The following GNA11 variants were observed in gnomAD, a reference collection of about 807,000 sequenced individuals.
GNA11 encodes the protein guanine nucleotide-binding protein subunit alpha-11.
A neutral mutation model predicts 38.2 loss-of-function variants in GNA11; 8 were observed. The observed-to-expected ratio is 0.21, with a 90% CI of 0.12 to 0.38. The LOEUF is 0.38. Ranked by LOEUF, GNA11 falls within the 10% of genes least tolerant of loss-of-function variation. The probability of loss-of-function intolerance (pLI) is 1.00; values close to 1 mark genes in which losing one functional copy is unlikely to be tolerated. For missense variants in GNA11, 268 were observed against 516.3 expected (o/e 0.52, Z 4.66); for synonymous variants, 211 against 221.4 (o/e 0.95, Z 0.42).
rs1599307865 is a variant in GNA11 at position 3,119,501 on chromosome 19, T to G, written c.889+142T>G. ...GGAGGTGTCATGTATGGGAGTGGAG[T>G]CTCAGGGAAGGGAGATCTCGTATGA... On this transcript the variant is annotated intron_variant, in intron 6 of 6. Transcript: ENST00000078429. This position sits in a 1 kb window ranked among gnomAD's most constrained non-coding sequence, Gnocchi z 4.6. 2 of 643,828 alleles carry G rather than the reference T, an allele frequency of 3.1e-6. No homozygotes were observed. Among genetic ancestry groups the G allele is most frequent in the South Asian group, 2.2e-5 (1 of 45,098 alleles). 39.9% of individuals were successfully genotyped at this position (643,828 alleles called of 1,614,324 possible).
At position 3,113,593 on chromosome 19, in the gene GNA11, C is replaced by T. The variant is rs1034869602; in HGVS notation, c.476+109C>T. 26 of 827,882 alleles carry T rather than the reference C, an allele frequency of 3.1e-5. No homozygotes were observed. The East Asian group carries it at 3.9e-4, about 12-fold the overall frequency. 51.3% of individuals were successfully genotyped at this position (827,882 alleles called of 1,614,324 possible). On this transcript the variant is annotated intron_variant, in intron 3 of 6. Transcript: ENST00000078429. ...TCTGTGGTGCCCCCTGCCTGCTCGC[C>T]GGGGGCAGGGATGCGGTGGGCCCGG... is the stretch of plus-strand genomic sequence containing the variant.
rs970094370 is a variant in GNA11 at position 3,121,646 on chromosome 19, T to C, written c.*467T>C. The C allele has an allele frequency of 8.6e-6, 2 of 232,772 alleles. No homozygotes were observed. The highest frequency in any genetic ancestry group is 1.2e-4 in the East Asian group (2 of 16,500). 14.4% of individuals were successfully genotyped at this position (232,772 alleles called of 1,614,324 possible). ...CTTCCAACCCCACGTGCTTTTTCTT[T>C]CTCCTGCCCGCTTCTTTTCTTCATC... On this transcript the variant is annotated 3_prime_UTR_variant, in exon 7 of 7. Coordinates refer to ENST00000078429, the MANE Select transcript of GNA11 (RefSeq NM_002067.5).
At position 3,113,782 on chromosome 19, in the gene GNA11, C is replaced by T. The variant is rs74380612; in HGVS notation, c.476+298C>T. On this transcript the variant is annotated intron_variant, in intron 3 of 6. Transcript: ENST00000078429. ...CCTGGCCACCCTCGGTGCTGGAGCC[C>T]GGCCTGTGGCCTGTGGGGGAAACCC... 0.089 allele frequency among the ~76,000 whole-genome samples: 13,494 copies of T among 152,204 alleles called. 1,390 individuals are homozygous for T. Among genetic ancestry groups the T allele is most frequent in the African/African-American group, 0.22 (9,024 of 41,504 alleles).
In GNA11 at chr19:3,122,567, GTGTT is replaced by G. The variant is rs1183542255; in HGVS notation, c.*1391_*1394del. On this transcript the variant is annotated 3_prime_UTR_variant, in exon 7 of 7. Transcript: ENST00000078429. This position sits in a 1 kb window ranked among gnomAD's most constrained non-coding sequence, Gnocchi z 7.7. ...TCGGAAGGTGGGGAACGAGGGGACT[GTGTT>G]TGGGGAGGTGGCTTTTTCGTCTGCT... The G allele has an allele frequency of 4.3e-6, 1 of 233,014 alleles. No homozygotes were observed. Among genetic ancestry groups the G allele is most frequent in the African/African-American group, 2.2e-5 (1 of 45,326 alleles). 14.4% of individuals were successfully genotyped at this position (233,014 alleles called of 1,614,324 possible).
chr19:3,121,655 C>T lies in GNA11; in HGVS notation c.*476C>T, dbSNP rs1475232443. The T allele has an allele frequency of 3.0e-5, 7 of 232,514 alleles. No homozygotes were observed. The highest frequency in any genetic ancestry group is 1.1e-4 in the Admixed American group (2 of 17,744). The allele number at this position is 232,514 out of a possible 1,614,324, so 14.4% of individuals were successfully genotyped here. On this transcript the variant is annotated 3_prime_UTR_variant, in exon 7 of 7. Transcript: ENST00000078429. ...CCACGTGCTTTTTCTTTCTCCTGCC[C>T]GCTTCTTTTCTTCATCACAAAAGGC...
chr19:3,117,254 C>T (rs1445940654), intron 4 of GNA11: 1 of 152,336 alleles, frequency 6.6e-6, no homozygotes, highest in African/African-American at 2.4e-5. Context: ...CAGCCCCACG[C>T]TGGCCTCTTA....
At chr19:3,103,559 G>T (rs1307531991) in intron 1 of GNA11, among the ~76,000 whole-genome samples, 2 of 67,956 alleles carry the variant, frequency 2.9e-5, no homozygotes, top group African/African-American at 5.1e-5. Context: ...TTGAGACAAG[G>T]TCTCACTTGT....
rs1384024085 is a variant in GNA11, at chr19:3,119,518, C to T, written c.889+159C>T. ...GAGTGGAGTCTCAGGGAAGGGAGAT[C>T]TCGTATGAGGGGGGCCTGTACGGGA... On this transcript the variant is annotated intron_variant, in intron 6 of 6. Coordinates refer to ENST00000078429, the MANE Select transcript of GNA11 (RefSeq NM_002067.5). This position sits in a 1 kb window ranked among gnomAD's most constrained non-coding sequence, Gnocchi z 4.6. 1.3e-5 allele frequency among the ~76,000 whole-genome samples: 2 copies of T among 148,950 alleles called. No homozygotes were observed. The highest frequency in any genetic ancestry group is 2.5e-5 in the African/African-American group (1 of 40,290).
intron 1 of GNA11, among the ~76,000 whole-genome samples, chr19:3,105,406 G>A (rs1599299330): frequency 1.4e-5 from 2 of 141,840 alleles, no homozygotes; most frequent in African/African-American, 2.5e-5. Flanking sequence ...GGGTTGGGGG[G>A]AAGGGGGGGT....
chr19:3,117,134 T>C (rs1215655695), intron 4 of GNA11: 1 of 152,260 alleles, frequency 6.6e-6, no homozygotes, highest in Non-Finnish European at 1.5e-5. Flanking sequence ...GTGTATATTG[T>C]TACGAGAATT....
At chr19:3,102,170 G>T (rs308031) in intron 1 of GNA11, among the ~76,000 whole-genome samples, 3 of 151,970 alleles carry the variant, frequency 2.0e-5, no homozygotes, top group East Asian at 3.9e-4. Context: ...GACACCATCC[G>T]CTTCCAGTGG....
chr19:3,100,047 G>T (rs1029619064), intron 1 of GNA11, among the ~76,000 whole-genome samples: 19 of 152,222 alleles, frequency 1.2e-4, no homozygotes, highest in African/African-American at 4.6e-4. Context: ...GTGATATCTT[G>T]TCGCGTCCAC....
At position 3,120,207 on chromosome 19, in the gene GNA11, G is replaced by A. The variant is rs568580819; in HGVS notation, c.890-782G>A. Among the ~76,000 whole-genome samples, 31 of 152,112 alleles carry A rather than the reference G, an allele frequency of 2.0e-4. No individual in the cohort carries two copies. Among genetic ancestry groups the A allele is most frequent in the Non-Finnish European group, 3.8e-4 (26 of 67,984 alleles). ...AGCGAGAGGGAGGGGTCTGGCACAC[G>A]GTATAGCCTCGGCCGCTGGCTGCAG... is the stretch of plus-strand genomic sequence containing the variant. On this transcript the variant is annotated intron_variant, in intron 6 of 6. Coordinates refer to ENST00000078429, the MANE Select transcript of GNA11 (RefSeq NM_002067.5). The surrounding 1 kb of genome is among the most constrained non-coding windows in gnomAD (Gnocchi z 5.9).
rs530767200 is a variant in GNA11 at position 3,123,143 on chromosome 19, GC to G, written c.*1966del. On this transcript the variant is annotated 3_prime_UTR_variant, in exon 7 of 7. Transcript: ENST00000078429. Reference sequence around the variant, plus strand: ...TTCCAGCAGCGGAGCCCTCTGGGGGGCCTGTGCTTGTGGCATCTCTGAGGGC... The same window carrying G: ...TTCCAGCAGCGGAGCCCTCTGGGGGGCTGTGCTTGTGGCATCTCTGAGGGC... 1.1e-3 allele frequency: 256 copies of G among 233,288 alleles called. No individual in the cohort carries two copies. Among genetic ancestry groups the G allele is most frequent in the African/African-American group, 4.9e-3 (225 of 45,490 alleles). The allele number at this position is 233,288 out of a possible 1,614,324, so 14.5% of individuals were successfully genotyped here. A position where few individuals can be genotyped will look rare whatever the true frequency, so the allele number is the denominator to read the frequency against.
chr19:3,119,969 G>A lies in GNA11; in HGVS notation c.889+610G>A, dbSNP rs1914025909. 6.6e-6 allele frequency among the ~76,000 whole-genome samples: 1 copy of A among 151,904 alleles called. No individual in the cohort carries two copies. The highest frequency in any genetic ancestry group is 2.1e-4 in the South Asian group (1 of 4,816). ...CATGCCCAGCCCTCTCTGGGCCTGG[G>A]GATGGCGGCCAGGGGAGGGTGTTGT... is the stretch of plus-strand genomic sequence containing the variant. On this transcript the variant is annotated intron_variant, in intron 6 of 6. Transcript: ENST00000078429. The surrounding 1 kb of genome is among the most constrained non-coding windows in gnomAD (Gnocchi z 4.6).
chr19:3,121,341 A>C lies in GNA11; in HGVS notation c.*162A>C, dbSNP rs1914068912. ...ATTTTTAACAAATGGTTTTTATTTC[A>C]CAGTTATCAGGGGATGTACATCTCT... On this transcript the variant is annotated 3_prime_UTR_variant, in exon 7 of 7. Transcript: ENST00000078429. The C allele has an allele frequency of 1.7e-6, 1 of 582,824 alleles. No individual in the cohort carries two copies. The allele number at this position is 582,824 out of a possible 1,614,324, so 36.1% of individuals were successfully genotyped here. A position where few individuals can be genotyped will look rare whatever the true frequency, so the allele number is the denominator to read the frequency against.
chr19:3,107,898 T>A (rs998644105), intron 1 of GNA11, among the ~76,000 whole-genome samples: 6 of 152,108 alleles, frequency 3.9e-5, no homozygotes, highest in South Asian at 2.1e-4. Flanking sequence ...TGGGGGTCCC[T>A]CTGGGGAGAA....
At position 3,120,234 on chromosome 19, in the gene GNA11, C is replaced by T. The variant is rs12461562; in HGVS notation, c.890-755C>T. Among the ~76,000 whole-genome samples, 4,233 of 152,042 alleles carry T rather than the reference C, an allele frequency of 0.028. 380 individuals carry two copies. Among genetic ancestry groups the T allele is most frequent in the Admixed American group, 0.17 (2,593 of 15,296 alleles). On this transcript the variant is annotated intron_variant, in intron 6 of 6. Transcript: ENST00000078429. This position sits in a 1 kb window ranked among gnomAD's most constrained non-coding sequence, Gnocchi z 5.9. Reference sequence around the variant, plus strand: ...TATAGCCTCGGCCGCTGGCTGCAGGCGCAGGGCCCTGCTGTCCCTGGGCAG... The same window carrying T: ...TATAGCCTCGGCCGCTGGCTGCAGGTGCAGGGCCCTGCTGTCCCTGGGCAG...
At position 3,113,482 on chromosome 19, in the gene GNA11, G is replaced by A. The variant is rs754616176; in HGVS notation, c.474G>A (p.Lys158=). ...AGTACCAGCTCTCCGACTCTGCCAA[G>A]TAGTAAGTGCGGCCGCACCGCTGGC... ...RREYQLSDSA[K]YYLTDVDRIA... is the part of the protein sequence containing the mutation. Residue 158 remains lysine (K), a splice_region_variant and synonymous_variant, in exon 3 of 7, where the codon AAG becomes AAA. Coordinates refer to ENST00000078429, the MANE Select transcript of GNA11 (RefSeq NM_002067.5). The A allele has an allele frequency of 3.1e-6, 5 of 1,594,364 alleles. No homozygotes were observed. In the East Asian group the frequency reaches 6.8e-5, roughly 22 times the overall value.
Sources: allele counts gnomAD v4.1 joint callset (sites outside exome capture counted in the v4.1 genomes callset), GRCh38; gene constraint gnomAD v4.1.1; non-coding constraint Gnocchi (gnomAD v3.1); transcripts MANE v1.5; gene names NCBI Gene and HGNC (gene_info 2026-07-23, HGNC 2026-07-21).